CTNNA3: variants seen among roughly 807,000 people sequenced by gnomAD.
CTNNA3 encodes the protein catenin alpha-3.
CTNNA3 carries 76 observed loss-of-function variants against 95.7 expected under a neutral mutation model. That is an observed-to-expected ratio of 0.79 (90% CI 0.66 to 0.96). CTNNA3 has a LOEUF of 0.96. Among genes scored for constraint, CTNNA3 ranks in the 40% least tolerant of loss-of-function variants. CTNNA3 has a pLI of 0.00. For synonymous variants in CTNNA3, 431 were observed against 374.4 expected (o/e 1.15, Z -1.74); for missense variants, 1,191 against 1,089.8 (o/e 1.09, Z -1.31).
intron 7 of CTNNA3, among the ~76,000 whole-genome samples, chr10:67,066,723 T>G (rs1856115384): frequency 1.3e-5 from 2 of 152,154 alleles, no homozygotes; most frequent in Admixed American, 1.3e-4. Flanking sequence ...CCTTCTACTC[T>G]TTATATTCTT....
intron 13 of CTNNA3, among the ~76,000 whole-genome samples, chr10:66,180,523 T>C (rs1323689372): frequency 6.6e-6 from 1 of 152,068 alleles, no homozygotes; most frequent in Non-Finnish European, 1.5e-5. Context: ...ATATATCAGA[T>C]ACAAAACCAA....
intron 11 of CTNNA3, among the ~76,000 whole-genome samples, chr10:66,497,204 C>T (rs1271250620): frequency 1.3e-5 from 2 of 151,852 alleles, no homozygotes; most frequent in Non-Finnish European, 2.9e-5. Context: ...TCTTGCCCTC[C>T]AAGACTTTCA....
At chr10:66,829,854 T>TTTGCTGTTGTTGTTGTTG (rs1842650975) in intron 7 of CTNNA3, among the ~76,000 whole-genome samples, 1 of 148,256 alleles carries the variant, frequency 6.7e-6, no homozygotes, top group Admixed American at 6.8e-5. Flanking sequence ...CCCCAGGGGA[T>TTTGCTGTTGTTGTTGTTG]TTGTTGTTGT....
Position 66,797,213 on chromosome 10 carries a change from G to T in CTNNA3, c.1048-21689C>A, listed in dbSNP as rs578084313. On this transcript the variant is annotated intron_variant, in intron 7 of 17. Coordinates refer to ENST00000433211, the MANE Select transcript of CTNNA3 (RefSeq NM_013266.4). ...CAGTCCCAACTAAAGGTCTACTACA[G>T]AGAGTACATATTTCTTAAATCTGGA... Among the ~76,000 whole-genome samples the T allele has an allele frequency of 2.6e-5, 4 of 151,866 alleles. No homozygotes were observed. The South Asian group carries it at 8.3e-4, about 31-fold the overall frequency.
intron 7 of CTNNA3, among the ~76,000 whole-genome samples, chr10:67,009,248 CT>C (rs1158028367): frequency 2.0e-5 from 3 of 151,574 alleles, no homozygotes; most frequent in African/African-American, 4.8e-5. Context: ...TATTGGATCC[CT>C]TTTTTTTCTT....
At chr10:67,591,149 T>C (rs1285549852) in intron 3 of CTNNA3, among the ~76,000 whole-genome samples, 1 of 152,120 alleles carries the variant, frequency 6.6e-6, no homozygotes, top group African/African-American at 2.4e-5. Context: ...TTAGAGGAAC[T>C]GGGCAAATAA....
intron 13 of CTNNA3, among the ~76,000 whole-genome samples, chr10:66,245,730 G>A (rs1049329598): frequency 2.0e-5 from 3 of 152,126 alleles, no homozygotes; most frequent in African/African-American, 7.2e-5. Flanking sequence ...GTGGGTTGCT[G>A]TTCTCTACAG....
intron 7 of CTNNA3, among the ~76,000 whole-genome samples, chr10:66,996,025 T>C (rs1808761538): frequency 6.6e-6 from 1 of 152,236 alleles, no homozygotes; most frequent in Admixed American, 6.6e-5. Flanking sequence ...TAAATTATTT[T>C]AGTACGCTTT....
At chr10:66,693,062 C>G (rs909761762) in intron 9 of CTNNA3, among the ~76,000 whole-genome samples, 10 of 152,070 alleles carry the variant, frequency 6.6e-5, no homozygotes, top group African/African-American at 2.4e-4. Flanking sequence ...AACTAACGAG[C>G]AAAATAACCA....
At chr10:67,125,488 GAATA>G (rs1440891038) in intron 7 of CTNNA3, among the ~76,000 whole-genome samples, 1 of 151,996 alleles carries the variant, frequency 6.6e-6, no homozygotes, top group Non-Finnish European at 1.5e-5. Flanking sequence ...GTGTATCCTA[GAATA>G]AATTTATACC....
chr10:65,941,196 A>G (rs2077425066), intron 17 of CTNNA3, among the ~76,000 whole-genome samples: 1 of 152,154 alleles, frequency 6.6e-6, no homozygotes, highest in African/African-American at 2.4e-5. Flanking sequence ...AGGTCTTACT[A>G]TTATCCTCAT....
chr10:67,550,114 G>T (rs910131449), intron 3 of CTNNA3, among the ~76,000 whole-genome samples: 1 of 152,118 alleles, frequency 6.6e-6, no homozygotes, highest in Non-Finnish European at 1.5e-5. Context: ...CATATCTTAA[G>T]CTGAATACAT....
intron 11 of CTNNA3, among the ~76,000 whole-genome samples, chr10:66,424,078 A>G (rs941537273): frequency 3.3e-5 from 5 of 152,008 alleles, no homozygotes; most frequent in African/African-American, 7.2e-5. Context: ...ATTTCATCTA[A>G]ATTTTCCAGT....
intron 1 of CTNNA3, among the ~76,000 whole-genome samples, chr10:67,691,979 G>A (rs1220389259): frequency 1.4e-4 from 21 of 147,700 alleles, no homozygotes; most frequent in African/African-American, 4.0e-4. Context: ...CGCCCCATCC[G>A]GGAAGTGAGG....
At chr10:67,325,118 T>C (rs1841488920) in intron 5 of CTNNA3, among the ~76,000 whole-genome samples, 1 of 152,114 alleles carries the variant, frequency 6.6e-6, no homozygotes. Flanking sequence ...TTTATTTGAA[T>C]CTTCTCTCTT....
intron 5 of CTNNA3, among the ~76,000 whole-genome samples, chr10:67,229,517 G>C (rs962427704): frequency 6.6e-6 from 1 of 152,168 alleles, no homozygotes. Flanking sequence ...TGGTAAAGAG[G>C]AAGTCAAGCT....
chr10:66,453,477 G>C (rs1388899512), intron 11 of CTNNA3, among the ~76,000 whole-genome samples: 1 of 152,212 alleles, frequency 6.6e-6, no homozygotes, highest in Non-Finnish European at 1.5e-5. Context: ...GATCCGGCCA[G>C]GGCCAGGGAA....
intron 5 of CTNNA3, among the ~76,000 whole-genome samples, chr10:67,267,348 T>C (rs1430210279): frequency 6.6e-6 from 1 of 152,178 alleles, no homozygotes; most frequent in Non-Finnish European, 1.5e-5. Context: ...AAAAGCGATA[T>C]GAAAATTAAA....
At chr10:67,452,554 G>A (rs1025886690) in intron 5 of CTNNA3, among the ~76,000 whole-genome samples, 16 of 152,052 alleles carry the variant, frequency 1.1e-4, no homozygotes, top group Admixed American at 4.6e-4. Context: ...CAAAAACTAC[G>A]TTTAATGTTG....
Sources: gnomAD v4.1 joint callset for allele counts (sites outside exome capture counted in the v4.1 genomes callset) on GRCh38, gnomAD v4.1.1 for gene constraint, MANE v1.5 for transcripts, NCBI Gene and HGNC (gene_info 2026-07-23, HGNC 2026-07-21) for gene names.